The following SPAG17 variants were observed in gnomAD, a reference collection of about 807,000 sequenced individuals.
SPAG17 encodes sperm-associated antigen 17.
In SPAG17, 169 loss-of-function variants were observed where a neutral mutation model predicts 273.6. The observed-to-expected ratio is 0.62, with a 90% CI of 0.55 to 0.70. The LOEUF is 0.70. SPAG17 is among the 30% of genes least tolerant of loss of function. SPAG17 has a pLI of 0.00. For synonymous variants in SPAG17, 825 were observed against 873.2 expected (o/e 0.94, Z 0.97); for missense variants, 2,557 against 2,627.8 (o/e 0.97, Z 0.59).
chr1:117,985,866 GTGGAATC>G (rs1656345461), intron 40 of SPAG17, among the ~76,000 whole-genome samples: 1 of 152,080 alleles, frequency 6.6e-6, no homozygotes, highest in South Asian at 2.1e-4. Flanking sequence ...CCAATAAAGG[GTGGAATC>G]TAAATTAAAA....
intron 18 of SPAG17, among the ~76,000 whole-genome samples, chr1:118,062,807 A>G (rs747031360): frequency 2.6e-5 from 4 of 152,230 alleles, no homozygotes; most frequent in Non-Finnish European, 4.4e-5. Flanking sequence ...CCTTCCTGTC[A>G]TACAAACCTT....
rs766187111 is a variant in SPAG17 at position 118,150,543 on chromosome 1, C to G, written c.315G>C (p.Glu105Asp). Residue 105 changes from glutamate (E) to aspartate (D), a missense_variant and splice_region_variant, in exon 3 of 49, where the codon GAG becomes GAC. Physicochemically the swap from Glu to Asp is conservative, Grantham distance 45. Transcript: ENST00000336338. ...PVGGNAPLYY[E>D]VLTAAKAIMD... ...ATCTTCTATAAACACTTTCACTTAC[C>G]TCATAATATAAAGGAGCATTACCAC... 1 of 1,518,798 alleles carries G rather than the reference C, an allele frequency of 6.6e-7. No individual in the cohort carries two copies. The highest frequency in any genetic ancestry group is 1.2e-5 in the South Asian group (1 of 82,424). 94.1% of individuals were successfully genotyped at this position (1,518,798 alleles called of 1,614,324 possible). A position where few individuals can be genotyped will look rare whatever the true frequency, so the allele number is the denominator to read the frequency against.
rs199589876 is a variant in SPAG17 at position 118,042,003 on chromosome 1, G to A, written c.2854C>T (p.Arg952Cys). 117 of 1,613,164 alleles carry A rather than the reference G, an allele frequency of 7.3e-5. No homozygotes were observed. Among genetic ancestry groups the A allele is most frequent in the Non-Finnish European group, 7.7e-5 (91 of 1,179,800 alleles). The change falls in exon 21 of 49, where the codon CGC becomes TGC. Residue 952 changes from arginine (R) to cysteine (C), a missense_variant. Arg to Cys is a radical substitution (Grantham distance 180, BLOSUM62 -3). Transcript: ENST00000336338. ...EEQHRLAEEE[R>C]LREEKKAEKK... ...TCTGCTTTCTTTTCTTCCCTTAAGC[G>A]CTCCTCTTCTGCTAATCGATGTTGC...
chr1:118,153,253 T>C (rs1429527432), intron 1 of SPAG17, among the ~76,000 whole-genome samples: 1 of 152,202 alleles, frequency 6.6e-6, no homozygotes, highest in Non-Finnish European at 1.5e-5. Flanking sequence ...GTCAGGCATA[T>C]GTTATCTCAT....
At chr1:118,137,988 C>T (rs1252239094) in intron 3 of SPAG17, among the ~76,000 whole-genome samples, 1 of 152,138 alleles carries the variant, frequency 6.6e-6, no homozygotes, top group African/African-American at 2.4e-5. Context: ...TATTTTCTCC[C>T]CCTCTAAGGA....
chr1:118,137,176 C>G (rs1045496685), intron 3 of SPAG17, among the ~76,000 whole-genome samples: 2 of 152,150 alleles, frequency 1.3e-5, no homozygotes, highest in African/African-American at 4.8e-5. Context: ...TGGCCTGTGA[C>G]TATGTGACAT....
intron 4 of SPAG17, among the ~76,000 whole-genome samples, chr1:118,105,851 A>T (rs1003110628): frequency 5.2e-5 from 5 of 96,282 alleles, no homozygotes; most frequent in African/African-American, 2.4e-4. Context: ...AAAAACATCA[A>T]AAAAGAAAAA....
chr1:117,969,471 C>CAG (rs1397114128), intron 46 of SPAG17, among the ~76,000 whole-genome samples: 1 of 152,020 alleles, frequency 6.6e-6, no homozygotes, highest in East Asian at 1.9e-4. Flanking sequence ...CCCAGCTACT[C>CAG]AGGAGGCTGA....
intron 18 of SPAG17, among the ~76,000 whole-genome samples, chr1:118,064,624 A>G (rs1400510847): frequency 6.8e-6 from 1 of 148,088 alleles, no homozygotes; most frequent in Non-Finnish European, 1.5e-5. Context: ...ATTAGGAGAT[A>G]TACCTAATGC....
At chr1:118,183,357 A>G (rs188364512) in intron 1 of SPAG17, among the ~76,000 whole-genome samples, 177 of 152,278 alleles carry the variant, frequency 1.2e-3, no homozygotes, top group Non-Finnish European at 2.1e-3. Flanking sequence ...TGGTTAGGGC[A>G]CGCCTCTGGG....
At chr1:117,976,302 T>C (rs1343290008) in intron 43 of SPAG17, among the ~76,000 whole-genome samples, 3 of 152,216 alleles carry the variant, frequency 2.0e-5, no homozygotes, top group Non-Finnish European at 4.4e-5. Flanking sequence ...ACAATCCAAC[T>C]ATTGCATTCG....
At chr1:117,966,337 TTTA>T (rs911242040) in intron 47 of SPAG17, 14 of 278,704 alleles carry the variant, frequency 5.0e-5, no homozygotes, top group African/African-American at 2.6e-4. Flanking sequence ...TACTTGCTGT[TTTA>T]TTATTCTGTC....
intron 48 of SPAG17, chr1:117,954,567 A>C: frequency 6.2e-7 from 1 of 1,611,764 alleles, no homozygotes; most frequent in Non-Finnish European, 8.5e-7. Context: ...TTGATTTAAT[A>C]ATTTCTTCAT....
chr1:118,061,769 T>C (rs1480229775), intron 18 of SPAG17, among the ~76,000 whole-genome samples: 1 of 152,230 alleles, frequency 6.6e-6, no homozygotes, highest in Non-Finnish European at 1.5e-5. Context: ...TATACAATTT[T>C]ATGTATATCA....
At chr1:117,979,869 C>T (rs1318939397) in intron 43 of SPAG17, among the ~76,000 whole-genome samples, 1 of 152,184 alleles carries the variant, frequency 6.6e-6, no homozygotes, top group Non-Finnish European at 1.5e-5. Flanking sequence ...TATTTTTTTA[C>T]AATGAGGCCT....
intron 42 of SPAG17, among the ~76,000 whole-genome samples, chr1:117,981,932 T>C (rs1054986202): frequency 5.3e-5 from 8 of 152,202 alleles, no homozygotes; most frequent in Non-Finnish European, 7.3e-5. Flanking sequence ...CCAACCCTGG[T>C]TGAATAGTCC....
intron 3 of SPAG17, among the ~76,000 whole-genome samples, chr1:118,128,945 G>C (rs896885367): frequency 6.6e-6 from 1 of 152,224 alleles, no homozygotes; most frequent in South Asian, 2.1e-4. Context: ...ATTGGTTCAA[G>C]AGGTGCATGT....
chr1:117,994,158 T>C (rs952841126), intron 35 of SPAG17, among the ~76,000 whole-genome samples: 13 of 152,144 alleles, frequency 8.5e-5, no homozygotes, highest in Non-Finnish European at 1.8e-4. Context: ...TATAGGAAGA[T>C]GTTCAAGCCT....
intron 3 of SPAG17, among the ~76,000 whole-genome samples, chr1:118,120,610 A>G (rs914493289): frequency 6.6e-6 from 1 of 152,210 alleles, no homozygotes; most frequent in African/African-American, 2.4e-5. Context: ...GGAGTAAGGA[A>G]AATCTATGGC....
Sources: gnomAD v4.1 joint callset for allele counts (sites outside exome capture counted in the v4.1 genomes callset) on GRCh38, gnomAD v4.1.1 for gene constraint, MANE v1.5 for transcripts, NCBI Gene and HGNC (gene_info 2026-07-23, HGNC 2026-07-21) for gene names.